Variants in CTNNA3 observed in about 807,000 individuals in gnomAD.
CTNNA3 encodes catenin alpha-3.
Under a neutral mutation model 95.7 loss-of-function variants are expected in CTNNA3, and 76 were observed. That is an observed-to-expected ratio of 0.79 (90% CI 0.66 to 0.96). CTNNA3 has a LOEUF of 0.96. Among genes scored for constraint, CTNNA3 ranks in the 40% least tolerant of loss-of-function variants. CTNNA3 has a pLI of 0.00. For synonymous variants in CTNNA3, 431 were observed against 374.4 expected, an observed-to-expected ratio of 1.15 and a Z score of -1.74; for missense variants, 1,191 against 1,089.8, an observed-to-expected ratio of 1.09 and a Z score of -1.31.
chr10:67,028,362 G>A (rs568993373), intron 7 of CTNNA3, among the ~76,000 whole-genome samples: 2 of 152,052 alleles, frequency 1.3e-5, no homozygotes, highest in South Asian at 4.2e-4. Flanking sequence ...GATTTGGAGA[G>A]TACCTATCAT....
At chr10:66,734,948 CT>C (rs1482991862) in intron 9 of CTNNA3, among the ~76,000 whole-genome samples, 1 of 150,620 alleles carries the variant, frequency 6.6e-6, no homozygotes, top group Non-Finnish European at 1.5e-5. Context: ...CAGTGGCTAG[CT>C]TTGCAAAAAG....
intron 5 of CTNNA3, among the ~76,000 whole-genome samples, chr10:67,281,930 CAAAT>C (rs1462055601): frequency 2.0e-5 from 3 of 152,052 alleles, no homozygotes; most frequent in Admixed American, 6.6e-5. Flanking sequence ...ACTGATTCTT[CAAAT>C]AAATATTGAC....
intron 7 of CTNNA3, among the ~76,000 whole-genome samples, chr10:66,968,673 A>G (rs1849564083): frequency 6.6e-6 from 1 of 152,140 alleles, no homozygotes; most frequent in Admixed American, 6.5e-5. Flanking sequence ...AACTGGGTAT[A>G]CAGCACCATA....
rs528701683 is a variant in CTNNA3, at chr10:67,539,546, G to A, written c.416C>T (p.Ala139Val). The A allele has an allele frequency of 3.7e-5, 60 of 1,613,694 alleles. 1 individual carries two copies. Among genetic ancestry groups the A allele is most frequent in the South Asian group, 3.0e-4 (27 of 91,070 alleles). ...LAAVTRLLIL[A>V]DMIDVMCLLQ... Reference sequence around the variant, plus strand: ...GAGGCACATGACATCAATCATGTCCGCAAGGATAAGGAGTCTCGTCACCGC... The same window carrying A: ...GAGGCACATGACATCAATCATGTCCACAAGGATAAGGAGTCTCGTCACCGC... The change falls in exon 4 of 18, where the codon GCG becomes GTG. Residue 139 changes from alanine (A) to valine (V), a missense_variant. Coordinates refer to ENST00000433211, the MANE Select transcript of CTNNA3 (RefSeq NM_013266.4).
At chr10:66,970,766 T>C (rs1412099379) in intron 7 of CTNNA3, among the ~76,000 whole-genome samples, 1 of 152,052 alleles carries the variant, frequency 6.6e-6, no homozygotes, top group Non-Finnish European at 1.5e-5. Context: ...AGATAACAAA[T>C]GATTGCCCAA....
intron 12 of CTNNA3, among the ~76,000 whole-genome samples, chr10:66,318,770 T>C (rs928081150): frequency 6.6e-6 from 1 of 152,108 alleles, no homozygotes; most frequent in African/African-American, 2.4e-5. Context: ...ATGCTGCAGT[T>C]ACCAGGCTCT....
chr10:66,609,358 C>G (rs902966762), intron 10 of CTNNA3, among the ~76,000 whole-genome samples: 37 of 148,156 alleles, frequency 2.5e-4, no homozygotes, highest in Middle Eastern at 6.8e-3. Flanking sequence ...CCATCGCACC[C>G]AGCCAAAGGT....
chr10:67,124,417 C>T (rs1402759542), intron 7 of CTNNA3, among the ~76,000 whole-genome samples: 1 of 143,218 alleles, frequency 7.0e-6, no homozygotes, highest in Non-Finnish European at 1.5e-5. Context: ...ACACTCTTTA[C>T]TCCCAATCAT....
Position 66,911,477 on chromosome 10 carries a change from T to C in CTNNA3, c.1048-135953A>G, listed in dbSNP as rs79211668. Among the ~76,000 whole-genome samples, 689 of 152,306 alleles carry C rather than the reference T, an allele frequency of 4.5e-3. 37 individuals carry two copies. The East Asian group carries it at 0.11, about 25-fold the overall frequency. On this transcript the variant is annotated intron_variant, in intron 7 of 17. Transcript: ENST00000433211. ...TAAGTCCTAGTGGTCTAGTTAAATC[T>C]ATATGAGGTTAGGAAAAAAGTTATA...
chr10:67,136,668 C>T (rs1307664827), intron 7 of CTNNA3, among the ~76,000 whole-genome samples: 3 of 152,148 alleles, frequency 2.0e-5, no homozygotes, highest in Admixed American at 6.6e-5. Context: ...AGGAAAAATA[C>T]TCTAGAAAAG....
intron 3 of CTNNA3, among the ~76,000 whole-genome samples, chr10:67,557,207 T>C (rs1412046796): frequency 2.0e-5 from 3 of 152,178 alleles, no homozygotes; most frequent in East Asian, 3.9e-4. Context: ...AAAAAGGAAT[T>C]ATCAATCAAA....
chr10:67,410,848 A>G (rs1845339249), intron 5 of CTNNA3, among the ~76,000 whole-genome samples: 1 of 152,182 alleles, frequency 6.6e-6, no homozygotes, highest in African/African-American at 2.4e-5. Flanking sequence ...TTATATATAC[A>G]CAGGGGGAAC....
intron 7 of CTNNA3, among the ~76,000 whole-genome samples, chr10:67,120,135 A>G (rs1041964082): frequency 1.6e-4 from 24 of 151,918 alleles, no homozygotes; most frequent in African/African-American, 5.8e-4. Context: ...ATCCACAATG[A>G]CATAATAATT....
chr10:66,780,138 G>A (rs577018959), intron 7 of CTNNA3, among the ~76,000 whole-genome samples: 1 of 152,236 alleles, frequency 6.6e-6, no homozygotes, highest in South Asian at 2.1e-4. Flanking sequence ...TGTTAGGAGA[G>A]GCCTGATCCT....
Position 66,841,357 on chromosome 10 carries a change from T to TAGTTGC in CTNNA3, c.1048-65839_1048-65834dup, listed in dbSNP as rs554273780. Among the ~76,000 whole-genome samples the TAGTTGC allele has an allele frequency of 1.2e-3, 187 of 152,340 alleles. 1 individual carries two copies. Among genetic ancestry groups the TAGTTGC allele is most frequent in the Admixed American group, 9.3e-3 (143 of 15,302 alleles). Reference sequence around the variant, plus strand: ...CTACACAGTGTCTGAGGAGTTATAATAGTTGCAGTTTTTATATATTCTTAA... The same window carrying TAGTTGC: ...CTACACAGTGTCTGAGGAGTTATAATAGTTGCAGTTGCAGTTTTTATATATTCTTAA... On this transcript the variant is annotated intron_variant, in intron 7 of 17. Coordinates refer to ENST00000433211, the MANE Select transcript of CTNNA3 (RefSeq NM_013266.4).
intron 9 of CTNNA3, among the ~76,000 whole-genome samples, chr10:66,710,892 T>A (rs1196112672): frequency 6.6e-6 from 1 of 152,072 alleles, no homozygotes; most frequent in South Asian, 2.1e-4. Context: ...ATCAGGTATG[T>A]TGCAAATAAT....
chr10:67,160,803 G>A (rs1267484099), intron 7 of CTNNA3, among the ~76,000 whole-genome samples: 1 of 152,084 alleles, frequency 6.6e-6, no homozygotes. Context: ...CAGGTGAATG[G>A]ATAAAAAATA....
At chr10:66,850,193 A>C (rs1441216936) in intron 7 of CTNNA3, among the ~76,000 whole-genome samples, 1 of 152,156 alleles carries the variant, frequency 6.6e-6, no homozygotes, top group African/African-American at 2.4e-5. Context: ...AAAACGAAAA[A>C]TCTGGTAAGA....
At chr10:66,164,180 AT>A (rs1365144600) in intron 13 of CTNNA3, among the ~76,000 whole-genome samples, 6 of 152,124 alleles carry the variant, frequency 3.9e-5, no homozygotes, top group Admixed American at 3.3e-4. Flanking sequence ...AAAATTAAAT[AT>A]TTTTTTCTAA....
Sources: allele counts gnomAD v4.1 joint callset (sites outside exome capture counted in the v4.1 genomes callset), GRCh38; gene constraint gnomAD v4.1.1; transcripts MANE v1.5; gene names NCBI Gene and HGNC (gene_info 2026-07-23, HGNC 2026-07-21).